Variants in KCNH2 observed in about 807,000 individuals in gnomAD.
KCNH2 encodes potassium voltage-gated channel subfamily H member 2.
A neutral mutation model predicts 95.9 loss-of-function variants in KCNH2; 35 were observed. The ratio of observed to expected loss-of-function variants is 0.37; its 90% CI spans 0.28 to 0.48. The LOEUF (loss-of-function observed/expected upper bound fraction) is 0.48. Among genes scored for constraint, KCNH2 ranks in the 20% least tolerant of loss-of-function variants. The pLI, the probability that KCNH2 is intolerant of heterozygous loss-of-function variation, is 0.99. For synonymous variants in KCNH2, 786 were observed against 754.7 expected (o/e 1.04, Z -0.68); for missense variants, 1,274 against 1,702.9 (o/e 0.75, Z 4.43).
chr7:150,957,222 ACAGCCCACTCC>A (rs1022822643), intron 5 of KCNH2, 58 bp downstream of exon 5: 1 of 1,335,778 alleles, frequency 7.5e-7, no homozygotes, highest in Non-Finnish European at 1.1e-6. Flanking sequence ...GCTCTGGATC[ACAGCCCACTCC>A]CACCCCCTCT....
intron 9 of KCNH2, chr7:150,949,487 G>A: frequency 2.7e-6 from 2 of 747,740 alleles, no homozygotes; most frequent in Non-Finnish European, 3.3e-6. Context: ...AGAAATGCTA[G>A]AATGAACCAC....
rs2116941591 is a variant in KCNH2 at position 150,949,057 on chromosome 7, C to T, written c.2399-8G>A. ...CAAAGATGTCATTCTTCCCTGGAGG[C>T]CATGGAGAGGACAGGGAGCTCAGCC... On this transcript the variant is annotated splice_region_variant and splice_polypyrimidine_tract_variant and intron_variant, in intron 9 of 14. Coordinates refer to ENST00000262186, the MANE Select transcript of KCNH2 (RefSeq NM_000238.4). 1 of 1,613,490 alleles carries T rather than the reference C, an allele frequency of 6.2e-7. No individual in the cohort carries two copies. The highest frequency in any genetic ancestry group is 1.1e-5 in the South Asian group (1 of 90,998).
intron 2 of KCNH2, among the ~76,000 whole-genome samples, chr7:150,971,639 C>A (rs1196599827): frequency 6.6e-6 from 1 of 151,502 alleles, no homozygotes; most frequent in Non-Finnish European, 1.5e-5. Flanking sequence ...TTCCGGGGTG[C>A]TGAGGCGAGG....
At chr7:150,975,279 G>A (rs954422491) in intron 1 of KCNH2, among the ~76,000 whole-genome samples, 10 of 152,230 alleles carry the variant, frequency 6.6e-5, no homozygotes, top group Admixed American at 1.3e-4. Flanking sequence ...CAGCAGCCGC[G>A]GCGGAGGGAT....
intron 5 of KCNH2, chr7:150,955,490 G>T: frequency 6.5e-7 from 1 of 1,548,820 alleles, no homozygotes; most frequent in Non-Finnish European, 8.7e-7. Context: ...CGCCTTCCCG[G>T]CTGGGGCCGC....
At chr7:150,971,426 T>C (rs4725984) in intron 2 of KCNH2, among the ~76,000 whole-genome samples, 109,947 of 152,002 alleles carry the variant, frequency 0.72, 40,570 homozygotes, top group East Asian at 0.96. Context: ...CCATGGCAAC[T>C]GGCCTGCAGC....
chr7:150,970,080 G>A (rs1358627411), intron 2 of KCNH2, among the ~76,000 whole-genome samples: 2 of 152,094 alleles, frequency 1.3e-5, no homozygotes, highest in Non-Finnish European at 2.9e-5. Flanking sequence ...TATACTGGGA[G>A]GGGGCAATGA....
At position 150,974,781 on chromosome 7, in the gene KCNH2, G is replaced by C. The variant is rs1060503994; in HGVS notation, c.237C>G (p.Ala79=). 1.9e-6 allele frequency: 3 copies of C among 1,605,524 alleles called. No individual in the cohort carries two copies. Among genetic ancestry groups the C allele is most frequent in the Non-Finnish European group, 2.6e-6 (3 of 1,176,398 alleles). The change falls in exon 2 of 15, where the codon GCC becomes GCG. Residue 79 remains alanine (A), a synonymous_variant. Transcript: ENST00000262186. ...LHGPRTQRRA[A]AQIAQALLGA... is the part of the protein sequence containing the mutation. ...CCAGCAGTGCCTGCGCGATCTGCGC[G>C]GCAGCGCGGCGCTGCGTGCGCGGCC...
At chr7:150,967,120 A>G (rs1801725956) in intron 2 of KCNH2, among the ~76,000 whole-genome samples, 1 of 152,152 alleles carries the variant, frequency 6.6e-6, no homozygotes, top group Non-Finnish European at 1.5e-5. Flanking sequence ...CTCTACTAAA[A>G]ATACAAAAAT....
chr7:150,951,512 G>A lies in KCNH2; in HGVS notation c.1881C>T (p.Phe627=), dbSNP rs199473039. The A allele has an allele frequency of 1.4e-4, 219 of 1,614,110 alleles. No homozygotes were observed. Among genetic ancestry groups the A allele is most frequent in the Non-Finnish European group, 1.6e-4 (186 of 1,180,054 alleles). ...FTFSSLTSVG[F]GNVSPNTNSE... ...AGTTGGTGTTGGGAGAGACGTTGCCGAAGCCCACACTGGTGAGGCTGCTGA... is the reference window on the plus strand; with the variant it reads ...AGTTGGTGTTGGGAGAGACGTTGCCAAAGCCCACACTGGTGAGGCTGCTGA... Residue 627 remains phenylalanine, a synonymous_variant, in exon 7 of 15, where the codon TTC becomes TTT. Transcript: ENST00000262186.
At position 150,947,627 on chromosome 7, in the gene KCNH2, C is replaced by G; in HGVS notation, c.2944G>C (p.Asp982His). 6.2e-7 allele frequency: 1 copy of G among 1,612,664 alleles called. No individual in the cohort carries two copies. The highest frequency in any genetic ancestry group is 8.5e-7 in the Non-Finnish European group (1 of 1,179,506). Residue 982 changes from aspartate (D) to histidine (H), a missense_variant, in exon 12 of 15, where the codon GAC becomes CAC. Around this residue, in one of 7 missense-constraint regions of KCNH2, gnomAD observed 457 missense variants for 416.1 expected, o/e 1.10. Coordinates refer to ENST00000262186, the MANE Select transcript of KCNH2 (RefSeq NM_000238.4). ...ATACCTGACAGGGGGTTGCAAGTGT[C>G]GCTGCTCTTCTCGCAGTCCTCCATC... ...PLMEDCEKSS[D>H]TCNPLSGAFS... is the part of the protein sequence containing the mutation.
Position 150,977,992 on chromosome 7 carries a change from G to T in KCNH2, c.-79C>A. The T allele has an allele frequency of 2.7e-6, 2 of 739,606 alleles. No homozygotes were observed. 45.8% of individuals were successfully genotyped at this position (739,606 alleles called of 1,614,324 possible). A position where few individuals can be genotyped will look rare whatever the true frequency, so the allele number is the denominator to read the frequency against. ...CCCAGCACTAGGCTTCGGGTGGCCCGGCCGGGCCGTGGTCCCCGCACCCCG... is the reference window on the plus strand; with the variant it reads ...CCCAGCACTAGGCTTCGGGTGGCCCTGCCGGGCCGTGGTCCCCGCACCCCG... On this transcript the variant is annotated 5_prime_UTR_variant, in exon 1 of 15. Coordinates refer to ENST00000262186, the MANE Select transcript of KCNH2 (RefSeq NM_000238.4).
chr7:150,957,002 T>G (rs1014011980), intron 5 of KCNH2, among the ~76,000 whole-genome samples: 3 of 152,080 alleles, frequency 2.0e-5, no homozygotes, highest in Admixed American at 6.5e-5. Context: ...AACTGCCCTG[T>G]CCTCACCCTG....
rs149902084 is a variant in KCNH2 at position 150,951,752 on chromosome 7, C to T, written c.1641G>A (p.Ala547=). ...RKLDRYSEYG[A]AVLFLLMCTF... ...TGCACATGAGCAAGAACAGCACGGC[C>T]GCGCCGTACTCTGAGTAGCGATCCA... Residue 547 remains alanine (A), a synonymous_variant, in exon 7 of 15, where the codon GCG becomes GCA. Coordinates refer to ENST00000262186, the MANE Select transcript of KCNH2 (RefSeq NM_000238.4). 109 of 1,609,366 alleles carry T rather than the reference C, an allele frequency of 6.8e-5. 1 individual carries two copies. Among genetic ancestry groups the T allele is most frequent in the African/African-American group, 3.5e-4 (26 of 74,984 alleles).
At chr7:150,977,621 C>A (rs1413994822) in intron 1 of KCNH2, among the ~76,000 whole-genome samples, 2 of 152,092 alleles carry the variant, frequency 1.3e-5, no homozygotes, top group African/African-American at 4.8e-5. Flanking sequence ...AGTTTCCCGC[C>A]CCAAGCCCCA....
chr7:150,954,169 G>A (rs1461829335), intron 5 of KCNH2, among the ~76,000 whole-genome samples: 3 of 152,176 alleles, frequency 2.0e-5, no homozygotes, highest in Non-Finnish European at 4.4e-5. Flanking sequence ...CAGGCTCACA[G>A]GCTCCATTTC....
rs1009829215 is a variant in KCNH2 at position 150,946,941 on chromosome 7, G to A, written c.3266C>T (p.Thr1089Ile). 3.1e-6 allele frequency: 5 copies of A among 1,602,566 alleles called. No homozygotes were observed. In the African/African-American group the frequency reaches 6.7e-5, roughly 21 times the overall value. The change falls in exon 14 of 15, where the codon ACT becomes ATT. Residue 1089 changes from threonine to isoleucine, a missense_variant. This residue lies in a region of KCNH2 where 457 missense variants were observed against 416.1 expected (regional missense o/e 1.10). Coordinates refer to ENST00000262186, the MANE Select transcript of KCNH2 (RefSeq NM_000238.4). This position sits in a 1 kb window ranked among gnomAD's most constrained non-coding sequence, Gnocchi z 6.5. ...GACGGGCAACAGCGGGGATGTGGAA[G>A]TGGGGCCAGGCCCCGGGGTGGTCAC... ...SAVTTPGPGP[T>I]STSPLLPVSP...
intron 2 of KCNH2, among the ~76,000 whole-genome samples, chr7:150,968,354 G>T (rs544654021): frequency 6.6e-6 from 1 of 152,292 alleles, no homozygotes; most frequent in Admixed American, 6.5e-5. Context: ...GACATTGTGG[G>T]GTCCCTCCCC....
In KCNH2 at chr7:150,946,801, G is replaced by T; in HGVS notation, c.3330+76C>A. ...CTGGGCCACAGAGCCCAGCAGAAAG[G>T]CAGCAAAGCAGGTTTGGGCTGGAAT... On this transcript the variant is annotated intron_variant, in intron 14 of 14. Coordinates refer to ENST00000262186, the MANE Select transcript of KCNH2 (RefSeq NM_000238.4). The surrounding 1 kb of genome is among the most constrained non-coding windows in gnomAD (Gnocchi z 6.5). The T allele has an allele frequency of 2.9e-6, 4 of 1,375,658 alleles. No homozygotes were observed. Among genetic ancestry groups the T allele is most frequent in the Admixed American group, 1.9e-5 (1 of 53,988 alleles). The allele number at this position is 1,375,658 out of a possible 1,614,324, so 85.2% of individuals were successfully genotyped here. A position where few individuals can be genotyped will look rare whatever the true frequency, so the allele number is the denominator to read the frequency against.
Sources: allele counts gnomAD v4.1 joint callset (sites outside exome capture counted in the v4.1 genomes callset), GRCh38; gene constraint gnomAD v4.1.1; regional missense constraint gnomAD v4.1.1; non-coding constraint Gnocchi (gnomAD v3.1); transcripts MANE v1.5; gene names NCBI Gene and HGNC (gene_info 2026-07-23, HGNC 2026-07-21).